Variants in ESRRB observed in about 807,000 individuals in gnomAD.
The protein encoded by ESRRB is estrogen related receptor beta.
In ESRRB, 16 loss-of-function variants were observed where a neutral mutation model predicts 46.0. That is an observed-to-expected ratio of 0.35 (90% CI 0.24 to 0.53). The LOEUF (loss-of-function observed/expected upper bound fraction) is 0.53, where lower values mean the gene tolerates loss of function less well. ESRRB is among the 20% of genes least tolerant of loss of function. ESRRB has a pLI of 0.93. For synonymous variants in ESRRB, 246 were observed against 259.6 expected, an observed-to-expected ratio of 0.95 and a Z score of 0.50; for missense variants, 488 against 607.4, an observed-to-expected ratio of 0.80 and a Z score of 2.07.
At chr14:76,360,530 C>G (rs1884450425) in intron 1 of ESRRB, among the ~76,000 whole-genome samples, 1 of 152,130 alleles carries the variant, frequency 6.6e-6, no homozygotes, top group South Asian at 2.1e-4. Flanking sequence ...AGTATGCAAA[C>G]CTTCAACACC....
At chr14:76,321,077 C>G (rs1242394437) in intron 1 of ESRRB, among the ~76,000 whole-genome samples, 1 of 152,212 alleles carries the variant, frequency 6.6e-6, no homozygotes. Context: ...TCGATTTTAT[C>G]ATTAATTGCT....
rs1890608000 is a variant in ESRRB, at chr14:76,500,110, C to T, written c.*1652C>T. The T allele has an allele frequency of 6.7e-7, 1 of 1,503,512 alleles. No individual in the cohort carries two copies. The highest frequency in any genetic ancestry group is 2.5e-5 in the East Asian group (1 of 40,634). 93.1% of individuals were successfully genotyped at this position (1,503,512 alleles called of 1,614,324 possible). A position where few individuals can be genotyped will look rare whatever the true frequency, so the allele number is the denominator to read the frequency against. On this transcript the variant is annotated 3_prime_UTR_variant, in exon 7 of 7. Coordinates refer to ENST00000644823, the MANE Select transcript of ESRRB (RefSeq NM_001379180.1). ...TCCATAGAAGCCCTGGTCCCACCTCCTTGGCTCTACCCCAGGAACCTCCCG... is the reference window on the plus strand; with the variant it reads ...TCCATAGAAGCCCTGGTCCCACCTCTTTGGCTCTACCCCAGGAACCTCCCG...
rs542655858 is a variant in ESRRB at position 76,427,003 on chromosome 14, G to A, written c.51-12338G>A. Among the ~76,000 whole-genome samples the A allele has an allele frequency of 7.2e-5, 11 of 152,334 alleles. No individual in the cohort carries two copies. The East Asian group carries it at 1.7e-3, about 24-fold the overall frequency. ...AGTGTCAGGGAATCAGGCCATGCTC[G>A]TTCACCTGAACAGAGATGCTGCAGG... On this transcript the variant is annotated intron_variant, in intron 1 of 6. Transcript: ENST00000644823.
chr14:76,333,400 T>TTA (rs1187502256), intron 1 of ESRRB, among the ~76,000 whole-genome samples: 3 of 114,086 alleles, frequency 2.6e-5, no homozygotes, highest in African/African-American at 7.8e-5. Context: ...ATATATATAT[T>TTA]TATATATGAT....
intron 1 of ESRRB, among the ~76,000 whole-genome samples, chr14:76,390,937 A>C (rs1885442993): frequency 6.6e-6 from 1 of 152,210 alleles, no homozygotes; most frequent in African/African-American, 2.4e-5. Flanking sequence ...AGAACAGCCA[A>C]GCTGCAGCAT....
Position 76,347,824 on chromosome 14 carries a change from G to T in ESRRB, c.2+36908G>T, listed in dbSNP as rs1884268697. 1.2e-4 allele frequency among the ~76,000 whole-genome samples: 4 copies of T among 33,128 alleles called. 1 individual carries two copies. In the Admixed American group the frequency reaches 1.8e-3, roughly 15 times the overall value. 21.7% of individuals were successfully genotyped at this position (33,128 alleles called of 152,430 possible). On this transcript the variant is annotated intron_variant, in intron 1 of 6. Transcript: ENST00000512784. Reference sequence around the variant, plus strand: ...ACCCCACTGAGTCACCAACCAGTCAGATCACCAATGGGCAGCAGCCACTTC... The same window carrying T: ...ACCCCACTGAGTCACCAACCAGTCATATCACCAATGGGCAGCAGCCACTTC...
chr14:76,487,908 G>A (rs1369659475), intron 5 of ESRRB, among the ~76,000 whole-genome samples: 2 of 152,198 alleles, frequency 1.3e-5, no homozygotes, highest in African/African-American at 2.4e-5. Context: ...TGGCCACTAG[G>A]AGAAATTTCT....
At chr14:76,369,308 T>A (rs1386031092), upstream of ESRRB, among the ~76,000 whole-genome samples, 8 of 149,666 alleles carry the variant, frequency 5.3e-5, no homozygotes, top group African/African-American at 2.0e-4. Flanking sequence ...AAGATCTAGC[T>A]CTGTCACCTA....
At chr14:76,397,012 C>G (rs986796627) in intron 1 of ESRRB, among the ~76,000 whole-genome samples, 1 of 152,302 alleles carries the variant, frequency 6.6e-6, no homozygotes, top group Admixed American at 6.5e-5. Context: ...CGCCCGGGCA[C>G]GGACTGACTC....
At chr14:76,444,298 G>A (rs1888042780) in intron 2 of ESRRB, among the ~76,000 whole-genome samples, 2 of 152,136 alleles carry the variant, frequency 1.3e-5, no homozygotes, top group African/African-American at 4.8e-5. Flanking sequence ...CTCCCAAAGT[G>A]CTGGGATTAT....
At chr14:76,477,334 T>C (rs1889623636) in intron 3 of ESRRB, among the ~76,000 whole-genome samples, 1 of 152,194 alleles carries the variant, frequency 6.6e-6, no homozygotes, top group Admixed American at 6.5e-5. Flanking sequence ...TGAGGTGGCC[T>C]GTGAGGTATC....
chr14:76,329,372 C>T (rs1216049721), intron 1 of ESRRB, among the ~76,000 whole-genome samples: 3 of 152,124 alleles, frequency 2.0e-5, no homozygotes, highest in Non-Finnish European at 4.4e-5. Flanking sequence ...CATTCCCGTC[C>T]CTCTGCAGGG....
At chr14:76,383,424 G>C (rs1885095387) in intron 1 of ESRRB, among the ~76,000 whole-genome samples, 1 of 151,900 alleles carries the variant, frequency 6.6e-6, no homozygotes, top group African/African-American at 2.4e-5. Flanking sequence ...TTGGCCTTTT[G>C]ATGTGTTCTT....
At chr14:76,456,505 G>A (rs955796630) in intron 2 of ESRRB, among the ~76,000 whole-genome samples, 1 of 152,208 alleles carries the variant, frequency 6.6e-6, no homozygotes, top group Non-Finnish European at 1.5e-5. Flanking sequence ...GCAGAAGGGA[G>A]GGAGGGAGCA....
chr14:76,491,842 CT>C, intron 6 of ESRRB, 126 bp downstream of exon 6: 1 of 1,140,926 alleles, frequency 8.8e-7, no homozygotes, highest in Non-Finnish European at 1.2e-6. Flanking sequence ...AACACTGAAA[CT>C]TTTTATTACT....
intron 1 of ESRRB, among the ~76,000 whole-genome samples, chr14:76,314,556 C>T (rs1376608056): frequency 6.6e-6 from 1 of 152,120 alleles, no homozygotes; most frequent in Non-Finnish European, 1.5e-5. Context: ...CCCTTTAGCA[C>T]ACCAATTAAC....
At chr14:76,443,389 C>T (rs72731657) in intron 2 of ESRRB, among the ~76,000 whole-genome samples, 12,404 of 152,110 alleles carry the variant, frequency 0.082, 783 homozygotes, top group African/African-American at 0.17. Flanking sequence ...GGGGGAAGGC[C>T]CTGGGATCTC....
chr14:76,323,689 C>G (rs1270502670), intron 1 of ESRRB, among the ~76,000 whole-genome samples: 2 of 152,152 alleles, frequency 1.3e-5, no homozygotes. Flanking sequence ...AGTAGTTGCT[C>G]CTGATAGAGG....
intron 1 of ESRRB, among the ~76,000 whole-genome samples, chr14:76,382,177 C>T (rs903377793): frequency 1.3e-5 from 2 of 152,148 alleles, no homozygotes; most frequent in African/African-American, 2.4e-5. Context: ...GAATGTGTTC[C>T]GGTGGGTAGT....
Sources: gnomAD v4.1 joint callset for allele counts (sites outside exome capture counted in the v4.1 genomes callset) on GRCh38, gnomAD v4.1.1 for gene constraint, MANE v1.5 for transcripts, NCBI Gene and HGNC (gene_info 2026-07-23, HGNC 2026-07-21) for gene names.